The following ARHGAP29 variants were observed in gnomAD, a reference collection of about 807,000 sequenced individuals.
The protein encoded by ARHGAP29 is Rho GTPase activating protein 29.
A neutral mutation model predicts 122.6 loss-of-function variants in ARHGAP29; 43 were observed. The ratio of observed to expected loss-of-function variants is 0.35; its 90% CI spans 0.27 to 0.45. The LOEUF is 0.45. ARHGAP29 is among the 20% of genes least tolerant of loss of function. The pLI is 1.00. For synonymous variants in ARHGAP29, 506 were observed against 497.1 expected, an observed-to-expected ratio of 1.02 and a Z score of -0.24; for missense variants, 1,303 against 1,477.2, an observed-to-expected ratio of 0.88 and a Z score of 1.93.
chr1:94,291,509 T>G, the ARHGAP29 span, among the ~76,000 whole-genome samples: 2 of 152,346 alleles, frequency 1.3e-5, no homozygotes, highest in East Asian at 3.9e-4. Context: ...GCTAGCTGGT[T>G]ATTTCACCTG....
At chr1:94,251,494 A>C (rs1213556598) in intron 1 of ARHGAP29, among the ~76,000 whole-genome samples, 1 of 152,172 alleles carries the variant, frequency 6.6e-6, no homozygotes, top group Non-Finnish European at 1.5e-5. Flanking sequence ...TCAATGAAGA[A>C]TTTCTGCTGG....
At position 94,174,176 on chromosome 1, in the gene ARHGAP29, G is replaced by A. The variant is rs771029896; in HGVS notation, c.3479C>T (p.Pro1160Leu). 4 of 1,614,102 alleles carry A rather than the reference G, an allele frequency of 2.5e-6. No homozygotes were observed. In the African/African-American group the frequency reaches 4.0e-5, roughly 16 times the overall value. ...APVRAPRTLQ[P>L]QHWTTFYKPH... Reference sequence around the variant, plus strand: ...TTTATAAAATGTTGTCCAATGTTGAGGCTGCAGTGTTCTGGGTGCTCTGAC... The same window carrying A: ...TTTATAAAATGTTGTCCAATGTTGAAGCTGCAGTGTTCTGGGTGCTCTGAC... Residue 1160 changes from proline (P) to leucine (L), a missense_variant, in exon 23 of 23, where the codon CCT (proline) becomes CTT (leucine). Transcript: ENST00000260526.
chr1:94,189,503 C>T (rs1056819836), intron 13 of ARHGAP29, 151 bp from the exon 14 acceptor site: 9 of 969,172 alleles, frequency 9.3e-6, no homozygotes, highest in Non-Finnish European at 1.3e-5. Flanking sequence ...CATGGTTCAG[C>T]TTCTTATAGG....
chr1:94,184,040 T>C lies in ARHGAP29; in HGVS notation c.2247+111A>G, dbSNP rs148018856. ...GCACTAATCATTAGCAAGATACCTATACCGTCTATGCCAATGAAAAAACAT... is the reference window on the plus strand; with the variant it reads ...GCACTAATCATTAGCAAGATACCTACACCGTCTATGCCAATGAAAAAACAT... On this transcript the variant is annotated intron_variant, in intron 19 of 22. Transcript: ENST00000260526. 4.0e-4 allele frequency: 472 copies of C among 1,174,568 alleles called. 4 individuals carry two copies. In the African/African-American group the frequency reaches 6.0e-3, roughly 15 times the overall value. The allele number at this position is 1,174,568 out of a possible 1,614,324, so 72.8% of individuals were successfully genotyped here. A position where few individuals can be genotyped will look rare whatever the true frequency, so the allele number is the denominator to read the frequency against.
intron 1 of ARHGAP29, among the ~76,000 whole-genome samples, chr1:94,249,055 A>G (rs1477093410): frequency 1.3e-5 from 2 of 152,220 alleles, no homozygotes; most frequent in Non-Finnish European, 2.9e-5. Context: ...AGAAAGGGTG[A>G]ATGTCAAACA....
chr1:94,210,859 C>T (rs1315152232), intron 3 of ARHGAP29, among the ~76,000 whole-genome samples: 1 of 149,330 alleles, frequency 6.7e-6, no homozygotes, highest in Non-Finnish European at 1.5e-5. Context: ...GTTATAACTG[C>T]ACCACTGCAC....
At chr1:94,241,128 G>C (rs1306132915), upstream of ARHGAP29, among the ~76,000 whole-genome samples, 2 of 152,158 alleles carry the variant, frequency 1.3e-5, no homozygotes, top group African/African-American at 4.8e-5. Context: ...GTGTCAAGGT[G>C]AAACACCCTG....
intron 1 of ARHGAP29, among the ~76,000 whole-genome samples, chr1:94,233,920 AACTGTT>A (rs1371774106): frequency 6.6e-6 from 1 of 152,158 alleles, no homozygotes; most frequent in Non-Finnish European, 1.5e-5. Flanking sequence ...GAAAAACACC[AACTGTT>A]CAGCTCAGGG....
intron 3 of ARHGAP29, among the ~76,000 whole-genome samples, chr1:94,211,091 C>G (rs1210292517): frequency 6.6e-6 from 1 of 151,434 alleles, no homozygotes; most frequent in African/African-American, 2.4e-5. Flanking sequence ...TCAAGACCAG[C>G]CTGGGCAACA....
At chr1:94,250,768 TATC>T (rs1387110510) in intron 1 of ARHGAP29, among the ~76,000 whole-genome samples, 1 of 152,136 alleles carries the variant, frequency 6.6e-6, no homozygotes, top group Non-Finnish European at 1.5e-5. Flanking sequence ...TAGATGAAGA[TATC>T]ATACTCATGT....
intron 1 of ARHGAP29, 38 bp downstream of exon 1, chr1:94,237,377 C>G: frequency 1.0e-6 from 1 of 984,106 alleles, no homozygotes; most frequent in Non-Finnish European, 1.2e-6. Flanking sequence ...GAGCCACGAC[C>G]GCCGCGGCCG....
At chr1:94,204,524 T>C (rs1338872260) in intron 7 of ARHGAP29, among the ~76,000 whole-genome samples, 3 of 152,224 alleles carry the variant, frequency 2.0e-5, no homozygotes, top group South Asian at 2.1e-4. Flanking sequence ...CTTCCAGTTA[T>C]GCTATATGAC....
In ARHGAP29 at chr1:94,171,490, C is replaced by G. The variant is rs2101290998; in HGVS notation, c.*2379G>C. On this transcript the variant is annotated 3_prime_UTR_variant, in exon 23 of 23. Coordinates refer to ENST00000260526, the MANE Select transcript of ARHGAP29 (RefSeq NM_004815.4). ...TGGTGTTCTGGCAGCACTAACAGGG[C>G]TCCTGCTGTTGCCCTTTCCTTTTGG... 6.6e-6 allele frequency among the ~76,000 whole-genome samples: 1 copy of G among 152,338 alleles called. No individual in the cohort carries two copies. Among genetic ancestry groups the G allele is most frequent in the East Asian group, 1.9e-4 (1 of 5,192 alleles).
intron 18 of ARHGAP29, 135 bp downstream of exon 18, chr1:94,184,737 G>C (rs1322839420): frequency 2.8e-6 from 2 of 725,444 alleles, no homozygotes; most frequent in African/African-American, 3.7e-5. Context: ...CTGGGCAACA[G>C]AGTGAGACCG....
chr1:94,236,142 A>G (rs1653238298), intron 1 of ARHGAP29, among the ~76,000 whole-genome samples: 1 of 152,250 alleles, frequency 6.6e-6, no homozygotes, highest in African/African-American at 2.4e-5. Flanking sequence ...ATGGTTTTAA[A>G]AAGCACTCTC....
At chr1:94,206,820 T>A (rs1363415756) in intron 5 of ARHGAP29, among the ~76,000 whole-genome samples, 1 of 150,942 alleles carries the variant, frequency 6.6e-6, no homozygotes, top group Non-Finnish European at 1.5e-5. Flanking sequence ...TGTTTGAAAT[T>A]AGAAGATGGA....
At chr1:94,219,180 A>G (rs1253470793) in intron 3 of ARHGAP29, among the ~76,000 whole-genome samples, 1 of 152,070 alleles carries the variant, frequency 6.6e-6, no homozygotes, top group Non-Finnish European at 1.5e-5. Flanking sequence ...TGCTCCCTAA[A>G]GGTCACTTTC....
At chr1:94,304,137 C>CT in the ARHGAP29 span, among the ~76,000 whole-genome samples, 1 of 152,076 alleles carries the variant, frequency 6.6e-6, no homozygotes, top group African/African-American at 2.4e-5. Flanking sequence ...CTCTACCCAC[C>CT]TTTTTTGGGG....
intron 20 of ARHGAP29, among the ~76,000 whole-genome samples, chr1:94,178,821 A>T (rs1272371935): frequency 6.6e-6 from 1 of 152,190 alleles, no homozygotes; most frequent in Non-Finnish European, 1.5e-5. Context: ...TACCTGGCTC[A>T]GTTTCTGCTA....
Sources: gnomAD v4.1 joint callset for allele counts (sites outside exome capture counted in the v4.1 genomes callset) on GRCh38, gnomAD v4.1.1 for gene constraint, MANE v1.5 for transcripts, NCBI Gene and HGNC (gene_info 2026-07-23, HGNC 2026-07-21) for gene names.